FER: variants seen among roughly 807,000 people sequenced by gnomAD.
The protein encoded by FER is FER tyrosine kinase, also known as tyrosine-protein kinase Fer.
Under a neutral mutation model 111.0 loss-of-function variants are expected in FER, and 63 were observed. The observed-to-expected ratio is 0.57, with a 90% CI of 0.46 to 0.70. FER has a LOEUF of 0.70. Ranked by LOEUF, FER falls within the 30% of genes least tolerant of loss-of-function variation. The pLI is 0.00. For synonymous variants in FER, 327 were observed against 313.9 expected (o/e 1.04, Z -0.44); for missense variants, 914 against 954.0 (o/e 0.96, Z 0.55).
chr5:108,976,986 G>A (rs1336753887), intron 13 of FER, among the ~76,000 whole-genome samples: 2 of 152,154 alleles, frequency 1.3e-5, no homozygotes, highest in Non-Finnish European at 2.9e-5. Flanking sequence ...AAAACATGAT[G>A]AAAAATTCAC....
chr5:108,867,687 T>C (rs1473335506), intron 5 of FER, 80 bp from the exon 6 acceptor site: 4 of 1,300,878 alleles, frequency 3.1e-6, no homozygotes. Flanking sequence ...AAAACAGTAG[T>C]AATTCAGTTT....
intron 10 of FER, among the ~76,000 whole-genome samples, chr5:108,928,706 CAT>C (rs902180914): frequency 7.2e-5 from 11 of 151,802 alleles, no homozygotes; most frequent in East Asian, 1.9e-4. Context: ...CATATACATG[CAT>C]ATATATATGT....
At chr5:108,844,734 A>C (rs1761705071) in intron 5 of FER, among the ~76,000 whole-genome samples, 1 of 151,888 alleles carries the variant, frequency 6.6e-6, no homozygotes, top group South Asian at 2.1e-4. Context: ...CATTTCTTAG[A>C]ATATTTTAAA....
intron 9 of FER, among the ~76,000 whole-genome samples, chr5:108,884,985 T>G (rs1171282356): frequency 6.6e-6 from 1 of 151,992 alleles, no homozygotes; most frequent in Non-Finnish European, 1.5e-5. Flanking sequence ...ATGCCAGATC[T>G]TAATCCTCTC....
chr5:109,026,526 G>T (rs1459669215), intron 13 of FER, among the ~76,000 whole-genome samples: 1 of 151,996 alleles, frequency 6.6e-6, no homozygotes. Flanking sequence ...CTATGGCTGA[G>T]ACTTTGAGTG....
chr5:108,839,433 A>T lies in FER; in HGVS notation c.481+3626A>T, dbSNP rs538041068. On this transcript the variant is annotated intron_variant, in intron 5 of 19. Coordinates refer to ENST00000281092, the MANE Select transcript of FER (RefSeq NM_005246.4). ...CTAGTCAAGTGCCTGTAGGCTGCTT[A>T]AGGAAGTCTGCTCTGAGTGAGGAGA... Among the ~76,000 whole-genome samples the T allele has an allele frequency of 7.2e-4, 109 of 152,290 alleles. 1 individual carries two copies. The highest frequency in any genetic ancestry group is 3.4e-3 in the Middle Eastern group (1 of 294).
intron 5 of FER, 49 bp downstream of exon 5, chr5:108,835,856 C>T (rs1304702419): frequency 9.3e-7 from 1 of 1,071,026 alleles, no homozygotes; most frequent in Non-Finnish European, 1.3e-6. Flanking sequence ...TTTATTCTTA[C>T]TGTTTGAAAG....
Position 108,967,774 on chromosome 5 carries a change from A to C in FER, c.1656+8427A>C, listed in dbSNP as rs568879883. ...GACTCCGTCTCAAAAAAAAAAAAAA[A>C]AAAAAAAAACAATTAGGAAAGGGTA... On this transcript the variant is annotated intron_variant, in intron 13 of 19. Transcript: ENST00000281092. Among the ~76,000 whole-genome samples, 124 of 151,606 alleles carry C rather than the reference A, an allele frequency of 8.2e-4. 1 individual carries two copies. Among genetic ancestry groups the C allele is most frequent in the Non-Finnish European group, 1.5e-3 (100 of 67,840 alleles).
chr5:109,184,481 A>C lies in FER; in HGVS notation c.2204-1719A>C, dbSNP rs552715897. ...GTTCAAAGATCCAGGTTTCAGAGCT[A>C]GGTTATAAGCTTTTACTTCCAGAAT... On this transcript the variant is annotated intron_variant, in intron 18 of 19. Coordinates refer to ENST00000281092, the MANE Select transcript of FER (RefSeq NM_005246.4). Among the ~76,000 whole-genome samples, 11 of 152,350 alleles carry C rather than the reference A, an allele frequency of 7.2e-5. 1 individual carries two copies. Among genetic ancestry groups the C allele is most frequent in the African/African-American group, 2.2e-4 (9 of 41,588 alleles).
intron 16 of FER, among the ~76,000 whole-genome samples, chr5:109,062,726 A>G (rs1044203209): frequency 5.3e-5 from 8 of 152,072 alleles, no homozygotes; most frequent in Non-Finnish European, 1.0e-4. Context: ...TAATTTTAGA[A>G]AGCCTGAAAA....
At chr5:108,749,147 C>G (rs868589701) in intron 1 of FER, among the ~76,000 whole-genome samples, 78 of 152,228 alleles carry the variant, frequency 5.1e-4, no homozygotes, top group African/African-American at 1.8e-3. Context: ...GGGGGCTGTG[C>G]CGAGGCTCTT....
At chr5:108,924,377 A>C (rs937174562) in intron 10 of FER, among the ~76,000 whole-genome samples, 2 of 145,250 alleles carry the variant, frequency 1.4e-5, no homozygotes, top group Non-Finnish European at 3.0e-5. Flanking sequence ...AAAAAAAAAA[A>C]AAAAATCAAG....
intron 2 of FER, among the ~76,000 whole-genome samples, chr5:108,771,653 A>G (rs1752913607): frequency 6.6e-6 from 1 of 152,354 alleles, no homozygotes; most frequent in East Asian, 1.9e-4. Context: ...TTGAGTATAT[A>G]GGACAATGAA....
At chr5:108,935,666 A>G (rs1755363995) in intron 10 of FER, among the ~76,000 whole-genome samples, 1 of 152,022 alleles carries the variant, frequency 6.6e-6, no homozygotes, top group South Asian at 2.1e-4. Context: ...ACTTGAGAGA[A>G]GCTGGTTCTT....
chr5:108,960,475 T>G (rs1387469545), intron 13 of FER, among the ~76,000 whole-genome samples: 1 of 152,016 alleles, frequency 6.6e-6, no homozygotes, highest in Admixed American at 6.6e-5. Flanking sequence ...ATTCATTTTC[T>G]ACCCTTAATT....
At chr5:109,087,010 C>T (rs888113252) in intron 16 of FER, among the ~76,000 whole-genome samples, 2 of 147,246 alleles carry the variant, frequency 1.4e-5, no homozygotes, top group African/African-American at 5.0e-5. Flanking sequence ...TAGGGCTTAC[C>T]CTGGGGACTT....
At chr5:108,917,254 T>C (rs1056036930) in intron 10 of FER, among the ~76,000 whole-genome samples, 6 of 152,136 alleles carry the variant, frequency 3.9e-5, no homozygotes, top group Non-Finnish European at 7.4e-5. Context: ...TGGTTGCTCA[T>C]TATAATTTTA....
intron 5 of FER, among the ~76,000 whole-genome samples, chr5:108,838,240 C>A (rs193124866): frequency 2.4e-4 from 36 of 152,180 alleles, no homozygotes; most frequent in Non-Finnish European, 4.4e-5. Context: ...GGCTTTATGT[C>A]AGAACCTTAG....
intron 17 of FER, among the ~76,000 whole-genome samples, chr5:109,133,949 CCTT>C (rs1308136319): frequency 6.6e-6 from 1 of 151,684 alleles, no homozygotes; most frequent in Non-Finnish European, 1.5e-5. Flanking sequence ...ATAATTGTAT[CCTT>C]AATTATTGAC....
Sources: gnomAD v4.1 joint callset for allele counts (sites outside exome capture counted in the v4.1 genomes callset) on GRCh38, gnomAD v4.1.1 for gene constraint, MANE v1.5 for transcripts, NCBI Gene and HGNC (gene_info 2026-07-23, HGNC 2026-07-21) for gene names.